NDUFA12: variants seen among roughly 807,000 people sequenced by gnomAD.
NDUFA12 encodes NADH dehydrogenase [ubiquinone] 1 alpha subcomplex subunit 12.
In NDUFA12, 17 loss-of-function variants were observed where a neutral mutation model predicts 20.3. The observed-to-expected ratio is 0.84, with a 90% CI of 0.57 to 1.26. The LOEUF is 1.26. Among genes scored for constraint, NDUFA12 ranks in the 50% most tolerant of loss-of-function variants. NDUFA12 has a pLI of 0.00. For synonymous variants in NDUFA12, 72 were observed against 63.6 expected, an observed-to-expected ratio of 1.13 and a Z score of -0.63; for missense variants, 191 against 183.7, an observed-to-expected ratio of 1.04 and a Z score of -0.23.
chr12:94,980,230 G>A (rs1345288011), intron 3 of NDUFA12, among the ~76,000 whole-genome samples: 2 of 151,986 alleles, frequency 1.3e-5, no homozygotes, highest in Admixed American at 6.6e-5. Flanking sequence ...TTCACAACAG[G>A]TATCACACAC....
At chr12:94,983,895 A>ACACATCT (rs1874321826) in intron 3 of NDUFA12, among the ~76,000 whole-genome samples, 1 of 151,734 alleles carries the variant, frequency 6.6e-6, no homozygotes, top group Non-Finnish European at 1.5e-5. Context: ...CGAGGAATGT[A>ACACATCT]GCACTTGGTA....
intron 2 of NDUFA12, among the ~76,000 whole-genome samples, chr12:95,000,536 T>C (rs1012819736): frequency 6.6e-6 from 1 of 152,228 alleles, no homozygotes; most frequent in African/African-American, 2.4e-5. Context: ...CACAGTAAGT[T>C]CCTCCCATTC....
chr12:95,003,605 C>T lies in NDUFA12; in HGVS notation c.76G>A (p.Val26Ile), dbSNP rs749289967. 8 of 1,614,100 alleles carry T rather than the reference C, an allele frequency of 5.0e-6. No homozygotes were observed. The highest frequency in any genetic ancestry group is 5.1e-6 in the Non-Finnish European group (6 of 1,180,042). The change falls in exon 1 of 4, where the codon GTT (valine) becomes ATT (isoleucine). Residue 26 changes from valine to isoleucine, a missense_variant. Transcript: ENST00000327772. The stretch of plus-strand genomic sequence containing the variant: ...GCTCTGGCCGCCTACCTGAAAAAAA[C>T]CCGTAGATAGCCTCGGAGACCGCCG... The part of the protein sequence containing the change: ...GHGGLRGYLR[V>I]FFRTNDAKVG...
chr12:94,979,568 C>T (rs1220140560), intron 3 of NDUFA12, among the ~76,000 whole-genome samples: 1 of 151,902 alleles, frequency 6.6e-6, no homozygotes, highest in Non-Finnish European at 1.5e-5. Context: ...AGGTGGCTTA[C>T]ACCTGTAATC....
At position 95,002,216 on chromosome 12, in the gene NDUFA12, T is replaced by C. The variant is rs536169223; in HGVS notation, c.169+523A>G. ...CAGCACTTTGGGGGGCCAAGGCGGG[T>C]GGATCACGAGGTCAGGAGTTCAAGA... is the stretch of plus-strand genomic sequence containing the variant. On this transcript the variant is annotated intron_variant, in intron 2 of 3. Coordinates refer to ENST00000327772, the MANE Select transcript of NDUFA12 (RefSeq NM_018838.5). Among the ~76,000 whole-genome samples, 85 of 149,074 alleles carry C rather than the reference T, an allele frequency of 5.7e-4. 1 individual carries two copies. The highest frequency in any genetic ancestry group is 4.5e-3 in the South Asian group (21 of 4,716).
intron 3 of NDUFA12, among the ~76,000 whole-genome samples, chr12:94,991,522 G>A (rs1874644604): frequency 6.6e-6 from 1 of 151,848 alleles, no homozygotes; most frequent in African/African-American, 2.4e-5. Flanking sequence ...GGGGCCAGGA[G>A]TTCAAGACCA....
At chr12:94,988,018 A>G (rs1377491511) in intron 3 of NDUFA12, among the ~76,000 whole-genome samples, 1 of 152,114 alleles carries the variant, frequency 6.6e-6, no homozygotes, top group Non-Finnish European at 1.5e-5. Flanking sequence ...TCTCCACCCA[A>G]TTAACCTACT....
intron 3 of NDUFA12, among the ~76,000 whole-genome samples, chr12:94,982,590 C>T (rs1396887645): frequency 1.3e-5 from 2 of 151,910 alleles, no homozygotes; most frequent in Non-Finnish European, 2.9e-5. Context: ...TCTTTAACTC[C>T]CTAGATGACA....
rs555034735 is a variant in NDUFA12 at position 94,985,877 on chromosome 12, G to A, written c.257+8293C>T. ...AGGTGGACAGATCACCTGAGGTCAG[G>A]AATTTGAGACCAGCCTGGCCAATAT... is the stretch of plus-strand genomic sequence containing the variant. On this transcript the variant is annotated intron_variant, in intron 3 of 3. Coordinates refer to ENST00000327772, the MANE Select transcript of NDUFA12 (RefSeq NM_018838.5). Among the ~76,000 whole-genome samples, 4 of 152,052 alleles carry A rather than the reference G, an allele frequency of 2.6e-5. No individual in the cohort carries two copies. The South Asian group carries it at 8.3e-4, about 32-fold the overall frequency.
intron 3 of NDUFA12, among the ~76,000 whole-genome samples, chr12:94,983,795 A>G (rs1295190741): frequency 1.3e-5 from 2 of 152,214 alleles, no homozygotes; most frequent in Admixed American, 1.3e-4. Flanking sequence ...CTGCTTCCAC[A>G]CTTGCCTTGC....
intron 2 of NDUFA12, among the ~76,000 whole-genome samples, chr12:95,001,619 C>A (rs546307441): frequency 2.2e-4 from 33 of 152,176 alleles, no homozygotes; most frequent in African/African-American, 6.5e-4. Flanking sequence ...CAGAGCGAGA[C>A]CCTGTCTCAA....
intron 2 of NDUFA12, among the ~76,000 whole-genome samples, chr12:95,000,382 A>G (rs1256365861): frequency 2.0e-5 from 3 of 152,224 alleles, no homozygotes; most frequent in East Asian, 3.8e-4. Context: ...AGATATACCA[A>G]AATCTCAGAA....
intron 3 of NDUFA12, among the ~76,000 whole-genome samples, chr12:94,986,608 G>T (rs1202544451): frequency 7.0e-6 from 1 of 141,936 alleles, no homozygotes; most frequent in Admixed American, 7.3e-5. Flanking sequence ...TTTAGCCTGG[G>T]CAACACTGTG....
At chr12:94,981,559 CATAAGAGA>C (rs1221163414) in intron 3 of NDUFA12, among the ~76,000 whole-genome samples, 2 of 151,978 alleles carry the variant, frequency 1.3e-5, no homozygotes, top group Non-Finnish European at 2.9e-5. Context: ...TTGCTGATCC[CATAAGAGA>C]ATAAAACATA....
intron 3 of NDUFA12, among the ~76,000 whole-genome samples, chr12:94,985,182 G>A (rs1167425388): frequency 1.3e-5 from 2 of 151,816 alleles, no homozygotes; most frequent in Non-Finnish European, 2.9e-5. Flanking sequence ...TAAATTAGTC[G>A]GGCATGGTGG....
chr12:94,984,265 A>G (rs1874334839), intron 3 of NDUFA12, among the ~76,000 whole-genome samples: 1 of 152,138 alleles, frequency 6.6e-6, no homozygotes, highest in Non-Finnish European at 1.5e-5. Context: ...AAGCACTGAC[A>G]TTCCAATAAT....
At position 95,000,124 on chromosome 12, in the gene NDUFA12, A is replaced by C. The variant is rs552118163; in HGVS notation, c.169+2615T>G. 3.3e-5 allele frequency among the ~76,000 whole-genome samples: 5 copies of C among 152,368 alleles called. No individual in the cohort carries two copies. In the East Asian group the frequency reaches 7.7e-4, roughly 23 times the overall value. On this transcript the variant is annotated intron_variant, in intron 2 of 3. Coordinates refer to ENST00000327772, the MANE Select transcript of NDUFA12 (RefSeq NM_018838.5). The stretch of plus-strand genomic sequence containing the variant: ...GATAAAGAAAATGTGGTATATATAC[A>C]CCATGGAATACTACTCAGCCGTAAA...
At chr12:94,986,439 A>G (rs986915591) in intron 3 of NDUFA12, among the ~76,000 whole-genome samples, 25 of 152,266 alleles carry the variant, frequency 1.6e-4, no homozygotes, top group African/African-American at 5.8e-4. Flanking sequence ...TTGCTAAAAT[A>G]ATTTTAAGTG....
At chr12:95,001,716 C>T (rs1050665233) in intron 2 of NDUFA12, among the ~76,000 whole-genome samples, 87 of 152,004 alleles carry the variant, frequency 5.7e-4, no homozygotes, top group Non-Finnish European at 2.9e-5. Flanking sequence ...AGAATTAATT[C>T]TTTTTTGAGA....
Sources: allele counts gnomAD v4.1 joint callset (sites outside exome capture counted in the v4.1 genomes callset), GRCh38; gene constraint gnomAD v4.1.1; transcripts MANE v1.5; gene names NCBI Gene and HGNC (gene_info 2026-07-23, HGNC 2026-07-21).